The following TMEM171 variants were observed in gnomAD, a reference collection of about 807,000 sequenced individuals.
TMEM171 encodes the protein transmembrane protein 171.
In TMEM171, 16 loss-of-function variants were observed where a neutral mutation model predicts 19.1. The ratio of observed to expected loss-of-function variants is 0.84; its 90% CI spans 0.57 to 1.27. TMEM171 has a LOEUF of 1.27. Ranked by LOEUF, TMEM171 falls within the 50% of genes most tolerant of loss-of-function variation. The pLI, the probability that TMEM171 is intolerant of heterozygous loss-of-function variation, is 0.00. For missense variants in TMEM171, 429 were observed against 412.7 expected (o/e 1.04, Z -0.34); for synonymous variants, 153 against 163.4 (o/e 0.94, Z 0.48).
In TMEM171 at chr5:73,127,408, A is replaced by T. The variant is rs867510470; in HGVS notation, c.641-982A>T. 1.1e-3 allele frequency among the ~76,000 whole-genome samples: 117 copies of T among 105,950 alleles called. 2 individuals carry two copies. The highest frequency in any genetic ancestry group is 5.5e-3 in the African/African-American group (107 of 19,494). The allele number at this position is 105,950 out of a possible 152,430, so 69.5% of individuals were successfully genotyped here. ...AAATATATATATATATATATATATAAAGCATAAACAATTTAAACTGCTTTT... is the reference window on the plus strand; with the variant it reads ...AAATATATATATATATATATATATATAGCATAAACAATTTAAACTGCTTTT... On this transcript the variant is annotated intron_variant, in intron 2 of 3. Coordinates refer to ENST00000454765, the MANE Select transcript of TMEM171 (RefSeq NM_173490.8).
At chr5:73,124,830 A>T (rs1744119680) in intron 2 of TMEM171, among the ~76,000 whole-genome samples, 1 of 152,230 alleles carries the variant, frequency 6.6e-6, no homozygotes, top group South Asian at 2.1e-4. Flanking sequence ...CGTTGGCCTC[A>T]GCTTCACACA....
In TMEM171 at chr5:73,131,779, T is replaced by A; in HGVS notation, c.*49T>A. On this transcript the variant is annotated 3_prime_UTR_variant, in exon 4 of 4. Transcript: ENST00000454765. ...ATATGCAATGGATCACTATTTTATTTAATTTTTTTTAAATAAAAAATACAA... is the reference window on the plus strand; with the variant it reads ...ATATGCAATGGATCACTATTTTATTAAATTTTTTTTAAATAAAAAATACAA... 6.9e-7 allele frequency: 1 copy of A among 1,444,878 alleles called. No homozygotes were observed. Among genetic ancestry groups the A allele is most frequent in the Non-Finnish European group, 9.2e-7 (1 of 1,085,036 alleles). The allele number at this position is 1,444,878 out of a possible 1,614,324, so 89.5% of individuals were successfully genotyped here.
chr5:73,126,734 A>G (rs1294971161), intron 2 of TMEM171, among the ~76,000 whole-genome samples: 1 of 152,156 alleles, frequency 6.6e-6, no homozygotes, highest in African/African-American at 2.4e-5. Flanking sequence ...AAAGAATCCT[A>G]TGCCACCCTA....
intron 2 of TMEM171, among the ~76,000 whole-genome samples, chr5:73,127,384 A>AAATATATATATATATATATATATAT: frequency 6.9e-4 from 56 of 81,666 alleles, no homozygotes; most frequent in African/African-American, 2.6e-3. Context: ...AAAAAAAAAA[A>AAATATATATATATATATATATATAT]ATATATATAT....
chr5:73,127,380 AAAAAATATAT>A (rs1744190937), intron 2 of TMEM171, among the ~76,000 whole-genome samples: 1 of 61,472 alleles, frequency 1.6e-5, no homozygotes, highest in African/African-American at 8.7e-5. Flanking sequence ...AAAAAAAAAA[AAAAAATATAT>A]ATATATATAT....
At chr5:73,121,521 T>C (rs1010030883) in intron 1 of TMEM171, among the ~76,000 whole-genome samples, 10 of 152,202 alleles carry the variant, frequency 6.6e-5, no homozygotes, top group Admixed American at 6.5e-4. Flanking sequence ...CAATATGAAA[T>C]TCTTATTCAC....
chr5:73,129,126 A>C (rs1744266150), intron 3 of TMEM171, among the ~76,000 whole-genome samples: 1 of 152,208 alleles, frequency 6.6e-6, no homozygotes, highest in Non-Finnish European at 1.5e-5. Context: ...GAAAGAATGA[A>C]GCAACAAAAG....
chr5:73,121,814 T>A (rs556535), intron 1 of TMEM171, among the ~76,000 whole-genome samples: 51,173 of 152,098 alleles, frequency 0.34, 9,562 homozygotes, highest in East Asian at 0.57. Context: ...GCTTAGGGCC[T>A]CAGTCTTGAG....
chr5:73,127,384 A>AAAAAATATAT lies in TMEM171; in HGVS notation c.641-1005_641-1004insAAAATATATA. On this transcript the variant is annotated intron_variant, in intron 2 of 3. Coordinates refer to ENST00000454765, the MANE Select transcript of TMEM171 (RefSeq NM_173490.8). ...AAATTTGTGGTAAAAAAAAAAAAAA[A>AAAAAATATAT]ATATATATATATATATATATATAAA... 7.3e-5 allele frequency among the ~76,000 whole-genome samples: 6 copies of AAAAAATATAT among 81,678 alleles called. No homozygotes were observed. In the South Asian group the frequency reaches 1.8e-3, roughly 24 times the overall value. 53.6% of individuals were successfully genotyped at this position (81,678 alleles called of 152,430 possible).
intron 3 of TMEM171, among the ~76,000 whole-genome samples, chr5:73,129,480 G>A (rs971260193): frequency 6.6e-6 from 1 of 152,214 alleles, no homozygotes; most frequent in African/African-American, 2.4e-5. Flanking sequence ...TTGTTACTCA[G>A]GGGTGGAAAG....
chr5:73,124,683 C>T (rs999429871), intron 2 of TMEM171, among the ~76,000 whole-genome samples: 4 of 152,106 alleles, frequency 2.6e-5, no homozygotes, highest in South Asian at 2.1e-4. Flanking sequence ...TTGGAAGCAG[C>T]GGGATGAACC....
chr5:73,131,195 C>T (rs760869535), intron 3 of TMEM171, among the ~76,000 whole-genome samples: 1 of 151,594 alleles, frequency 6.6e-6, no homozygotes, highest in Non-Finnish European at 1.5e-5. Flanking sequence ...TGTTAGCTGT[C>T]CCAGAAGACA....
At chr5:73,126,126 G>A (rs1362630685) in intron 2 of TMEM171, among the ~76,000 whole-genome samples, 1 of 152,214 alleles carries the variant, frequency 6.6e-6, no homozygotes, top group Admixed American at 6.5e-5. Context: ...GGGCCAAAGG[G>A]CTGGAGACCC....
At chr5:73,129,758 A>G (rs908229629) in intron 3 of TMEM171, among the ~76,000 whole-genome samples, 1 of 152,168 alleles carries the variant, frequency 6.6e-6, no homozygotes, top group South Asian at 2.1e-4. Context: ...GTCTCAGGGG[A>G]TCCCCAACAG....
chr5:73,128,447 C>T lies in TMEM171; in HGVS notation c.698C>T (p.Ala233Val). 6.2e-7 allele frequency: 1 copy of T among 1,614,184 alleles called. No individual in the cohort carries two copies. The highest frequency in any genetic ancestry group is 8.5e-7 in the Non-Finnish European group (1 of 1,180,040). ...PPPPYFPESS[A>V]SAVAESPGTN... ...CCACCTTACTTTCCTGAATCTTCAG[C>T]TTCTGCGGTCGCTGAGAGTCCTGGA... Residue 233 changes from alanine (A) to valine (V), a missense_variant, in exon 3 of 4, where the codon GCT becomes GTT. Coordinates refer to ENST00000454765, the MANE Select transcript of TMEM171 (RefSeq NM_173490.8).
At position 73,123,622 on chromosome 5, in the gene TMEM171, T is replaced by C; in HGVS notation, c.249T>C (p.Leu83=). 1 of 1,614,224 alleles carries C rather than the reference T, an allele frequency of 6.2e-7. No individual in the cohort carries two copies. The highest frequency in any genetic ancestry group is 8.5e-7 in the Non-Finnish European group (1 of 1,180,038). ...AVILARSRAQ[L]QLRAGLQRGQ... ...TCCTGGCCCGCTCCCGGGCGCAACT[T>C]CAGCTCCGTGCAGGGCTGCAGAGAG... is the stretch of plus-strand genomic sequence containing the variant. The change falls in exon 2 of 4, where the codon CTT becomes CTC. Residue 83 remains leucine, a synonymous_variant. Coordinates refer to ENST00000454765, the MANE Select transcript of TMEM171 (RefSeq NM_173490.8).
At chr5:73,127,382 AAAATATATAT>A (rs1188972799) in intron 2 of TMEM171, among the ~76,000 whole-genome samples, 2 of 68,278 alleles carry the variant, frequency 2.9e-5, no homozygotes, top group African/African-American at 1.5e-4. Flanking sequence ...AAAAAAAAAA[AAAATATATAT>A]ATATATATAT....
At chr5:73,125,484 C>T (rs1171144446) in intron 2 of TMEM171, among the ~76,000 whole-genome samples, 2 of 152,202 alleles carry the variant, frequency 1.3e-5, no homozygotes, top group Admixed American at 1.3e-4. Flanking sequence ...TGGGCACACC[C>T]ACAGAATAGC....
intron 3 of TMEM171, among the ~76,000 whole-genome samples, chr5:73,129,187 G>C (rs746437715): frequency 2.6e-5 from 4 of 152,204 alleles, no homozygotes; most frequent in Non-Finnish European, 5.9e-5. Flanking sequence ...GAGCAAGCCT[G>C]AACAGCTGCT....
Sources: allele counts gnomAD v4.1 joint callset (sites outside exome capture counted in the v4.1 genomes callset), GRCh38; gene constraint gnomAD v4.1.1; transcripts MANE v1.5; gene names NCBI Gene and HGNC (gene_info 2026-07-23, HGNC 2026-07-21).